Variants in RAPGEF1 observed in about 807,000 individuals in gnomAD.
RAPGEF1 encodes CRK SH3-binding GNRP.
Under a neutral mutation model 143.3 loss-of-function variants are expected in RAPGEF1, and 33 were observed. That is an observed-to-expected ratio of 0.23 (90% CI 0.17 to 0.31). The LOEUF (loss-of-function observed/expected upper bound fraction) is 0.31, where lower values mean the gene tolerates loss of function less well. Among genes scored for constraint, RAPGEF1 ranks in the 10% least tolerant of loss-of-function variants. The probability of loss-of-function intolerance (pLI) is 1.00; values close to 1 mark genes in which losing one functional copy is unlikely to be tolerated. For missense variants in RAPGEF1, 1,199 were observed against 1,645.4 expected, an observed-to-expected ratio of 0.73 and a Z score of 4.69; for synonymous variants, 629 against 676.5, an observed-to-expected ratio of 0.93 and a Z score of 1.09.
chr9:131,659,089 C>T (rs1026994263), intron 1 of RAPGEF1, among the ~76,000 whole-genome samples: 3 of 152,174 alleles, frequency 2.0e-5, no homozygotes, highest in Non-Finnish European at 2.9e-5. Flanking sequence ...GCTCAGAAGT[C>T]GAGCACTGGG....
chr9:131,695,278 G>A (rs529039261), intron 1 of RAPGEF1, among the ~76,000 whole-genome samples: 44 of 152,172 alleles, frequency 2.9e-4, no homozygotes, highest in East Asian at 1.9e-3. Context: ...TCAAATCCCC[G>A]CCAATGATTA....
At chr9:131,695,778 C>G (rs1365356182) in intron 1 of RAPGEF1, among the ~76,000 whole-genome samples, 1 of 152,166 alleles carries the variant, frequency 6.6e-6, no homozygotes, top group Non-Finnish European at 1.5e-5. Flanking sequence ...ATAAGAACAC[C>G]CATGAATGAC....
rs1366135536 is a variant in RAPGEF1, at chr9:131,628,017, G to A, written c.1097C>T (p.Ser366Phe). 2.6e-6 allele frequency: 4 copies of A among 1,566,236 alleles called. No individual in the cohort carries two copies. The highest frequency in any genetic ancestry group is 3.5e-6 in the Non-Finnish European group (4 of 1,155,646). ...GAGCTTGCCTATGCTGCTGCAGGGG[G>A]AGAGGCGGGGCGACTCTCCACCATA... ...HSYGGESPRL[S>F]PCSSIGKLSK... The change falls in exon 9 of 27, where the codon TCC becomes TTC. Residue 366 changes from serine (S) to phenylalanine (F), a missense_variant. Coordinates refer to ENST00000683357, the MANE Select transcript of RAPGEF1 (RefSeq NM_001377935.1). This position sits in a 1 kb window ranked among gnomAD's most constrained non-coding sequence, Gnocchi z 5.7.
At chr9:131,610,577 C>T (rs1957885467) in intron 12 of RAPGEF1, among the ~76,000 whole-genome samples, 1 of 152,200 alleles carries the variant, frequency 6.6e-6, no homozygotes, top group Non-Finnish European at 1.5e-5. Context: ...TATTGGACAG[C>T]TGGTTTTCGG....
chr9:131,585,656 G>A (rs753157), intron 22 of RAPGEF1, among the ~76,000 whole-genome samples: 11,048 of 152,150 alleles, frequency 0.073, 785 homozygotes, highest in African/African-American at 0.17. Context: ...TTTTCCCCAG[G>A]ATGGAGTGCT....
At chr9:131,692,296 T>C (rs1833837540) in intron 1 of RAPGEF1, among the ~76,000 whole-genome samples, 1 of 152,258 alleles carries the variant, frequency 6.6e-6, no homozygotes, top group South Asian at 2.1e-4. Flanking sequence ...AAAAACTATG[T>C]TTCAGAAGAA....
At chr9:131,596,256 G>A in intron 17 of RAPGEF1, 42 bp downstream of exon 17, 1 of 1,598,310 alleles carries the variant, frequency 6.3e-7, no homozygotes. Context: ...TGGCACCCGG[G>A]GCAGGACCAG....
rs1270297759 is a variant in RAPGEF1 at position 131,604,947 on chromosome 9, G to A, written c.2303C>T (p.Thr768Ile). ...AGTTCTCACCGAGTCAGTGAAAGAG[G>A]TTTCGGAAGGAAGGCAGACAGTATT... ...HGNTVCLPSE[T>I]SFTDSSENAS... is the part of the protein sequence containing the mutation. Residue 768 changes from threonine to isoleucine, a missense_variant, in exon 13 of 27, where the codon ACC (threonine) becomes ATC (isoleucine). Physicochemically the swap from Thr to Ile is moderately conservative, Grantham distance 89. Around this residue, in one of 6 missense-constraint regions of RAPGEF1, gnomAD observed 293 missense variants for 356.2 expected, o/e 0.82. Coordinates refer to ENST00000683357, the MANE Select transcript of RAPGEF1 (RefSeq NM_001377935.1). The A allele has an allele frequency of 3.1e-6, 4 of 1,305,678 alleles. No individual in the cohort carries two copies. The Admixed American group carries it at 9.2e-5, about 30-fold the overall frequency. The allele number at this position is 1,305,678 out of a possible 1,614,324, so 80.9% of individuals were successfully genotyped here.
Position 131,678,475 on chromosome 9 carries a change from C to T in RAPGEF1, c.62-27526G>A, listed in dbSNP as rs147508183. Among the ~76,000 whole-genome samples the T allele has an allele frequency of 4.1e-4, 63 of 152,344 alleles. 1 individual carries two copies. The highest frequency in any genetic ancestry group is 1.3e-3 in the African/African-American group (55 of 41,572). On this transcript the variant is annotated intron_variant, in intron 1 of 26. Coordinates refer to ENST00000683357, the MANE Select transcript of RAPGEF1 (RefSeq NM_001377935.1). ...AATCAATAGTCTGATAACTTTATAT[C>T]AATACACATTTCTTAGAGAATCTAA... is the stretch of plus-strand genomic sequence containing the variant.
intron 12 of RAPGEF1, among the ~76,000 whole-genome samples, chr9:131,610,891 C>T (rs1957937306): frequency 6.6e-6 from 1 of 152,192 alleles, no homozygotes; most frequent in South Asian, 2.1e-4. Context: ...TCCCAGGACA[C>T]CCTCCTGCCC....
intron 1 of RAPGEF1, among the ~76,000 whole-genome samples, chr9:131,719,050 A>T (rs1436093173): frequency 6.6e-6 from 1 of 152,084 alleles, no homozygotes; most frequent in East Asian, 1.9e-4. Flanking sequence ...CCTAGGCTGG[A>T]CTTGAACTCC....
At chr9:131,606,956 C>T (rs562131606) in intron 12 of RAPGEF1, among the ~76,000 whole-genome samples, 7 of 152,270 alleles carry the variant, frequency 4.6e-5, no homozygotes, top group African/African-American at 1.7e-4. Context: ...ACCCTTTAAC[C>T]TGTACAAAGA....
At chr9:131,716,524 G>A (rs1370977669) in intron 1 of RAPGEF1, among the ~76,000 whole-genome samples, 1 of 152,234 alleles carries the variant, frequency 6.6e-6, no homozygotes, top group African/African-American at 2.4e-5. Flanking sequence ...CCAGCACTTT[G>A]GGAGGCAGAG....
Position 131,628,179 on chromosome 9 carries a change from A to T in RAPGEF1, c.1018-83T>A. ...CAGGGGTGAGGCAACCGGTGCATTT[A>T]CTTAGAGAAGGAAATACTGCCAGGC... On this transcript the variant is annotated intron_variant, in intron 8 of 26. Transcript: ENST00000683357. The surrounding 1 kb of genome is among the most constrained non-coding windows in gnomAD (Gnocchi z 5.7). The T allele has an allele frequency of 7.8e-7, 1 of 1,286,888 alleles. No homozygotes were observed. The highest frequency in any genetic ancestry group is 1.5e-5 in the African/African-American group (1 of 66,700). The allele number at this position is 1,286,888 out of a possible 1,614,324, so 79.7% of individuals were successfully genotyped here. A position where few individuals can be genotyped will look rare whatever the true frequency, so the allele number is the denominator to read the frequency against.
At chr9:131,688,725 T>C (rs1041030744) in intron 1 of RAPGEF1, among the ~76,000 whole-genome samples, 1 of 151,990 alleles carries the variant, frequency 6.6e-6, no homozygotes, top group Non-Finnish European at 1.5e-5. Context: ...CTGGGCAACA[T>C]GGCGAAATTC....
At chr9:131,588,154 G>A in intron 20 of RAPGEF1, 128 bp from the exon 21 acceptor site, 1 of 798,696 alleles carries the variant, frequency 1.3e-6, no homozygotes, top group East Asian at 2.7e-5. Flanking sequence ...GAGGCTACAG[G>A]GCGGGGAAGC....
At chr9:131,673,360 A>G (rs2130814593) in intron 1 of RAPGEF1, among the ~76,000 whole-genome samples, 1 of 152,360 alleles carries the variant, frequency 6.6e-6, no homozygotes, top group African/African-American at 2.4e-5. Context: ...AAAAGCCACC[A>G]TGCCACCTGG....
At chr9:131,694,505 T>C (rs1472224058) in intron 1 of RAPGEF1, among the ~76,000 whole-genome samples, 3 of 152,146 alleles carry the variant, frequency 2.0e-5, no homozygotes, top group Admixed American at 6.5e-5. Flanking sequence ...GAAACAGAAA[T>C]GTAATCTTGC....
intron 12 of RAPGEF1, among the ~76,000 whole-genome samples, chr9:131,617,932 T>C (rs1959286545): frequency 6.6e-6 from 1 of 152,236 alleles, no homozygotes; most frequent in Non-Finnish European, 1.5e-5. Flanking sequence ...TTTTGGTTCC[T>C]GGACATGCGC....
Sources: gnomAD v4.1 joint callset for allele counts (sites outside exome capture counted in the v4.1 genomes callset) on GRCh38, gnomAD v4.1.1 for gene constraint, gnomAD v4.1.1 regional missense constraint, Gnocchi (gnomAD v3.1) non-coding constraint, MANE v1.5 for transcripts, NCBI Gene and HGNC (gene_info 2026-07-23, HGNC 2026-07-21) for gene names.